Variants in VAV3 observed in about 807,000 individuals in gnomAD.
VAV3 encodes the protein guanine nucleotide exchange factor VAV3.
In VAV3, 94 loss-of-function variants were observed where a neutral mutation model predicts 131.2. The observed-to-expected ratio is 0.72, with a 90% confidence interval of 0.61 to 0.85. The LOEUF is 0.85. Among genes scored for constraint, VAV3 ranks in the 40% least tolerant of loss-of-function variants. The pLI, the probability that VAV3 is intolerant of heterozygous loss-of-function variation, is 0.00. For missense variants in VAV3, 939 were observed against 1,002.7 expected (o/e 0.94, Z 0.86); for synonymous variants, 349 against 342.0 (o/e 1.02, Z -0.22).
chr1:107,870,040 C>T lies in VAV3; in HGVS notation c.321+4861G>A, dbSNP rs148523507. 5.9e-3 allele frequency among the ~76,000 whole-genome samples: 905 copies of T among 152,212 alleles called. 11 individuals are homozygous for T. The highest frequency in any genetic ancestry group is 0.021 in the African/African-American group (865 of 41,532). On this transcript the variant is annotated intron_variant, in intron 2 of 26. Coordinates refer to ENST00000370056, the MANE Select transcript of VAV3 (RefSeq NM_006113.5). ...CAATTTCTTTATCCACATTGATTGA[C>T]GGGCATTTGGGCTGATTCCACATTT... is the stretch of plus-strand genomic sequence containing the variant.
intron 19 of VAV3, among the ~76,000 whole-genome samples, chr1:107,683,264 C>G (rs1658774495): frequency 6.6e-6 from 1 of 152,148 alleles, no homozygotes; most frequent in Non-Finnish European, 1.5e-5. Context: ...AGCAAATAAC[C>G]AGCTCAACTG....
chr1:107,572,452 T>C lies in VAV3; in HGVS notation c.*879A>G, dbSNP rs1315843135. 6.6e-6 allele frequency: 1 copy of C among 152,558 alleles called. No homozygotes were observed. Among genetic ancestry groups the C allele is most frequent in the African/African-American group, 2.4e-5 (1 of 41,416 alleles). 9.5% of individuals were successfully genotyped at this position (152,558 alleles called of 1,614,324 possible). ...ATTAATAGATACTGCTGCTATAAAATGACATAAATTATAGCCCTTGATCTG... is the reference window on the plus strand; with the variant it reads ...ATTAATAGATACTGCTGCTATAAAACGACATAAATTATAGCCCTTGATCTG... On this transcript the variant is annotated 3_prime_UTR_variant, in exon 27 of 27. Transcript: ENST00000370056.
At chr1:107,723,101 C>T (rs1035724812) in intron 15 of VAV3, among the ~76,000 whole-genome samples, 4 of 152,162 alleles carry the variant, frequency 2.6e-5, no homozygotes, top group Non-Finnish European at 4.4e-5. Context: ...CTGTATCCAA[C>T]TTGAGGACAT....
At chr1:107,725,796 A>G (rs1661803728) in intron 15 of VAV3, among the ~76,000 whole-genome samples, 1 of 152,130 alleles carries the variant, frequency 6.6e-6, no homozygotes, top group South Asian at 2.1e-4. Flanking sequence ...TACAGGTGTG[A>G]GCCACCGTGC....
chr1:107,659,125 T>C (rs1656811920), intron 19 of VAV3, among the ~76,000 whole-genome samples: 1 of 152,090 alleles, frequency 6.6e-6, no homozygotes, highest in Admixed American at 6.5e-5. Context: ...TTAATTTTTG[T>C]ATAAGGTGTA....
At chr1:107,743,628 C>T (rs1035129391) in intron 15 of VAV3, among the ~76,000 whole-genome samples, 2 of 152,070 alleles carry the variant, frequency 1.3e-5, no homozygotes, top group African/African-American at 2.4e-5. Context: ...GGCAAGTGCA[C>T]GATAAATATT....
At chr1:107,724,722 C>T (rs1013891232) in intron 15 of VAV3, among the ~76,000 whole-genome samples, 2 of 151,836 alleles carry the variant, frequency 1.3e-5, no homozygotes, top group African/African-American at 4.8e-5. Context: ...GAACAGATCC[C>T]GAGCCAGTAA....
intron 17 of VAV3, among the ~76,000 whole-genome samples, chr1:107,700,869 T>C (rs1456015350): frequency 6.6e-6 from 1 of 152,208 alleles, no homozygotes; most frequent in Non-Finnish European, 1.5e-5. Context: ...CTTTGAGGGA[T>C]TGCCACACTG....
intron 5 of VAV3, among the ~76,000 whole-genome samples, chr1:107,772,257 G>A (rs1286636481): frequency 6.6e-6 from 1 of 152,120 alleles, no homozygotes; most frequent in African/African-American, 2.4e-5. Context: ...ATTTATAAAT[G>A]AGTAGGAAAG....
chr1:107,949,308 TTTTGTTTG>T (rs140828995), intron 1 of VAV3, among the ~76,000 whole-genome samples: 1 of 151,770 alleles, frequency 6.6e-6, no homozygotes, highest in African/African-American at 2.4e-5. Flanking sequence ...TTTTGTTTAT[TTTTGTTTG>T]TTTGTTTGTT....
intron 1 of VAV3, among the ~76,000 whole-genome samples, chr1:107,902,281 T>C (rs1231820901): frequency 6.6e-6 from 1 of 152,220 alleles, no homozygotes; most frequent in African/African-American, 2.4e-5. Flanking sequence ...AAAGGCCATC[T>C]GTGATTGAAT....
At chr1:107,746,900 G>A (rs1663382692) in intron 15 of VAV3, among the ~76,000 whole-genome samples, 1 of 146,156 alleles carries the variant, frequency 6.8e-6, no homozygotes. Context: ...TTTTTTTCAA[G>A]ACGGAGTCTC....
intron 1 of VAV3, among the ~76,000 whole-genome samples, chr1:107,908,770 T>C (rs1402479861): frequency 2.7e-5 from 4 of 149,964 alleles, no homozygotes; most frequent in African/African-American, 9.9e-5. Context: ...GAAAAAGCAG[T>C]TGTTTTTTAA....
At chr1:107,676,163 G>T (rs146890797) in intron 19 of VAV3, among the ~76,000 whole-genome samples, 81 of 152,258 alleles carry the variant, frequency 5.3e-4, no homozygotes, top group Non-Finnish European at 1.1e-3. Flanking sequence ...TTTGTAAACA[G>T]AATTATAGAA....
At chr1:107,753,272 T>C (rs1663848643) in intron 12 of VAV3, among the ~76,000 whole-genome samples, 2 of 151,692 alleles carry the variant, frequency 1.3e-5, no homozygotes, top group East Asian at 3.9e-4. Flanking sequence ...CTTACAGAGA[T>C]AGAAAGTAGA....
chr1:107,883,289 T>C (rs1368270054), intron 1 of VAV3, among the ~76,000 whole-genome samples: 2 of 152,194 alleles, frequency 1.3e-5, no homozygotes, highest in East Asian at 1.9e-4. Context: ...TGGTAATAAC[T>C]GTGCTTAACT....
chr1:107,836,114 C>G (rs1218623402), intron 2 of VAV3, among the ~76,000 whole-genome samples: 1 of 152,220 alleles, frequency 6.6e-6, no homozygotes, highest in Non-Finnish European at 1.5e-5. Context: ...CAGCATTAGA[C>G]AGATCATCGA....
At chr1:107,636,015 T>A (rs1453878819) in intron 20 of VAV3, among the ~76,000 whole-genome samples, 1 of 152,210 alleles carries the variant, frequency 6.6e-6, no homozygotes, top group Non-Finnish European at 1.5e-5. Context: ...ACAAAGATAT[T>A]CTTAAAACTC....
intron 2 of VAV3, among the ~76,000 whole-genome samples, chr1:107,797,752 G>A (rs1248976372): frequency 6.6e-6 from 1 of 152,152 alleles, no homozygotes; most frequent in African/African-American, 2.4e-5. Context: ...GAATGAGAGA[G>A]GAGAAATACC....
Sources: allele counts gnomAD v4.1 joint callset (sites outside exome capture counted in the v4.1 genomes callset), GRCh38; gene constraint gnomAD v4.1.1; transcripts MANE v1.5; gene names NCBI Gene and HGNC (gene_info 2026-07-23, HGNC 2026-07-21).